Variants in KIAA1217 observed in about 807,000 individuals in gnomAD.
The protein encoded by KIAA1217 is sickle tail protein homolog.
In KIAA1217, 88 loss-of-function variants were observed where a neutral mutation model predicts 163.9. The observed-to-expected ratio is 0.54, with a 90% CI of 0.45 to 0.64. The LOEUF (loss-of-function observed/expected upper bound fraction) is 0.64. KIAA1217 is among the 30% of genes least tolerant of loss of function. The pLI, the probability that KIAA1217 is intolerant of heterozygous loss-of-function variation, is 0.00. For missense variants in KIAA1217, 2,372 were observed against 2,475.0 expected, an observed-to-expected ratio of 0.96 and a Z score of 0.88; for synonymous variants, 903 against 923.1, an observed-to-expected ratio of 0.98 and a Z score of 0.39.
At chr10:23,969,353 A>G (rs1187115831) in intron 1 of KIAA1217, among the ~76,000 whole-genome samples, 1 of 152,184 alleles carries the variant, frequency 6.6e-6, no homozygotes, top group Non-Finnish European at 1.5e-5. Context: ...TATGTTTAAC[A>G]TTTTGAGGAA....
At chr10:23,935,299 G>A (rs148453053) in intron 1 of KIAA1217, among the ~76,000 whole-genome samples, 9 of 152,258 alleles carry the variant, frequency 5.9e-5, no homozygotes, top group African/African-American at 2.2e-4. Flanking sequence ...CTGACTTCAG[G>A]TCAATAAGAA....
At chr10:23,787,408 A>G (rs908631429) in intron 1 of KIAA1217, among the ~76,000 whole-genome samples, 8 of 152,308 alleles carry the variant, frequency 5.3e-5, no homozygotes, top group African/African-American at 1.7e-4. Context: ...ATCCAGGAGC[A>G]GGAACCAGGT....
At chr10:23,840,358 G>A (rs1838712770) in intron 1 of KIAA1217, among the ~76,000 whole-genome samples, 1 of 152,066 alleles carries the variant, frequency 6.6e-6, no homozygotes, top group Non-Finnish European at 1.5e-5. Context: ...GTTTCACCAT[G>A]TTGGCCAGGC....
intron 1 of KIAA1217, among the ~76,000 whole-genome samples, chr10:24,006,349 A>G (rs1363358826): frequency 2.0e-5 from 3 of 152,088 alleles, no homozygotes; most frequent in African/African-American, 7.2e-5. Context: ...TTTATCCATC[A>G]TTTTCCTTCT....
chr10:23,927,325 GGTGTGTGTGTGT>G (rs57321785), intron 1 of KIAA1217, among the ~76,000 whole-genome samples: 37 of 143,092 alleles, frequency 2.6e-4, no homozygotes, highest in South Asian at 1.8e-3. Context: ...CAAGTCATAG[GGTGTGTGTGTGT>G]GTGTGTGTGT....
intron 5 of KIAA1217, among the ~76,000 whole-genome samples, chr10:24,452,112 A>G (rs1347614384): frequency 6.6e-6 from 1 of 152,182 alleles, no homozygotes; most frequent in African/African-American, 2.4e-5. Flanking sequence ...AAAAGAAAAA[A>G]GTGTTTTTAA....
chr10:24,205,267 G>A (rs1428591302), upstream of KIAA1217, among the ~76,000 whole-genome samples: 3 of 130,178 alleles, frequency 2.3e-5, no homozygotes, highest in Non-Finnish European at 1.5e-5. Flanking sequence ...GACCAGCCTG[G>A]CCAATGTGGT....
At chr10:23,966,303 G>A (rs139280388) in intron 1 of KIAA1217, among the ~76,000 whole-genome samples, 55 of 152,296 alleles carry the variant, frequency 3.6e-4, no homozygotes, top group Non-Finnish European at 6.3e-4. Flanking sequence ...AGCATTGTTC[G>A]TGGAATTGAG....
At chr10:24,082,565 G>A (rs941387390) in intron 2 of KIAA1217, among the ~76,000 whole-genome samples, 1 of 152,162 alleles carries the variant, frequency 6.6e-6, no homozygotes, top group Non-Finnish European at 1.5e-5. Context: ...TCCATGCAGA[G>A]GACATGCTCT....
intron 1 of KIAA1217, among the ~76,000 whole-genome samples, chr10:23,806,537 T>A (rs537034942): frequency 5.9e-4 from 90 of 152,326 alleles, no homozygotes; most frequent in Non-Finnish European, 9.0e-4. Context: ...CCATTTTGCA[T>A]TCTCATGAAT....
At chr10:23,866,711 C>T (rs1840203035) in intron 1 of KIAA1217, among the ~76,000 whole-genome samples, 1 of 152,012 alleles carries the variant, frequency 6.6e-6, no homozygotes, top group Admixed American at 6.6e-5. Flanking sequence ...AGCTTGGCAG[C>T]ACTGTTTCGA....
intron 1 of KIAA1217, among the ~76,000 whole-genome samples, chr10:23,913,457 C>G (rs903537866): frequency 6.7e-6 from 1 of 150,196 alleles, no homozygotes; most frequent in Admixed American, 6.6e-5. Flanking sequence ...TTTGTCTTAC[C>G]TCTGCACCCC....
At chr10:24,102,027 C>G (rs1290710732) in intron 2 of KIAA1217, among the ~76,000 whole-genome samples, 1 of 152,118 alleles carries the variant, frequency 6.6e-6, no homozygotes, top group Non-Finnish European at 1.5e-5. Context: ...TTTAGAGGCT[C>G]AGCTTTATGG....
chr10:24,419,188 AAAG>A (rs2058529329), intron 3 of KIAA1217, among the ~76,000 whole-genome samples: 1 of 151,536 alleles, frequency 6.6e-6, no homozygotes, highest in African/African-American at 2.4e-5. Context: ...AAAAAAAAAA[AAAG>A]AAAGAAAATC....
At chr10:24,373,477 C>A (rs1009570274) in intron 2 of KIAA1217, among the ~76,000 whole-genome samples, 2 of 152,140 alleles carry the variant, frequency 1.3e-5, no homozygotes, top group Non-Finnish European at 2.9e-5. Context: ...AACAACCCTT[C>A]CCTGTGGGAA....
chr10:23,818,249 A>T (rs1242050628), intron 1 of KIAA1217, among the ~76,000 whole-genome samples: 1 of 143,304 alleles, frequency 7.0e-6, no homozygotes, highest in African/African-American at 2.5e-5. Context: ...TATACATAAT[A>T]TATATTTTAT....
At chr10:24,122,761 C>CT (rs958667646) in intron 2 of KIAA1217, among the ~76,000 whole-genome samples, 5 of 151,868 alleles carry the variant, frequency 3.3e-5, no homozygotes, top group Non-Finnish European at 7.4e-5. Context: ...AAATATAATG[C>CT]TTTTTTTGTT....
intron 2 of KIAA1217, among the ~76,000 whole-genome samples, chr10:24,174,908 A>G (rs963624371): frequency 6.6e-6 from 1 of 151,986 alleles, no homozygotes; most frequent in African/African-American, 2.4e-5. Context: ...CCCAGGCTGG[A>G]GTGCAGTGGC....
intron 2 of KIAA1217, among the ~76,000 whole-genome samples, chr10:24,360,741 G>A (rs1307083221): frequency 6.6e-6 from 1 of 152,178 alleles, no homozygotes; most frequent in African/African-American, 2.4e-5. Flanking sequence ...CGTAATCAAC[G>A]TGAGGAAACA....
Sources: gnomAD v4.1 joint callset for allele counts (sites outside exome capture counted in the v4.1 genomes callset) on GRCh38, gnomAD v4.1.1 for gene constraint, MANE v1.5 for transcripts, NCBI Gene and HGNC (gene_info 2026-07-23, HGNC 2026-07-21) for gene names.